Variants in NTNG1 observed in about 807,000 individuals in gnomAD.
NTNG1 encodes netrin-G1.
A neutral mutation model predicts 54.0 loss-of-function variants in NTNG1; 16 were observed. The ratio of observed to expected loss-of-function variants is 0.30; its 90% CI spans 0.20 to 0.45. The LOEUF (loss-of-function observed/expected upper bound fraction) is 0.45. Ranked by LOEUF, NTNG1 falls within the 20% of genes least tolerant of loss-of-function variation. The pLI, the probability that NTNG1 is intolerant of heterozygous loss-of-function variation, is 1.00. For missense variants in NTNG1, 530 were observed against 678.7 expected (o/e 0.78, Z 2.43); for synonymous variants, 255 against 263.1 (o/e 0.97, Z 0.30).
At chr1:107,212,130 G>A (rs887369823) in intron 2 of NTNG1, among the ~76,000 whole-genome samples, 1 of 152,164 alleles carries the variant, frequency 6.6e-6, no homozygotes, top group African/African-American at 2.4e-5. Context: ...ACTAGAAGGT[G>A]TAGGGGAGTT....
At chr1:107,195,612 GAC>G (rs148130366) in intron 2 of NTNG1, among the ~76,000 whole-genome samples, 312 of 150,200 alleles carry the variant, frequency 2.1e-3, no homozygotes, top group African/African-American at 7.0e-3. Flanking sequence ...CACACAGGCA[GAC>G]ACACACACAC....
At chr1:107,161,996 T>C (rs1224131672) in intron 2 of NTNG1, among the ~76,000 whole-genome samples, 1 of 152,118 alleles carries the variant, frequency 6.6e-6, no homozygotes, top group African/African-American at 2.4e-5. Flanking sequence ...TTGTAAATTA[T>C]CCATTTGATC....
chr1:107,300,827 A>G (rs61125135), intron 2 of NTNG1, among the ~76,000 whole-genome samples: 2,438 of 152,356 alleles, frequency 0.016, 63 homozygotes, highest in African/African-American at 0.054. Flanking sequence ...ACTAATTACA[A>G]TTGGATACTT....
At chr1:107,269,200 G>A (rs575578078) in intron 2 of NTNG1, among the ~76,000 whole-genome samples, 1 of 152,098 alleles carries the variant, frequency 6.6e-6, no homozygotes, top group Non-Finnish European at 1.5e-5. Flanking sequence ...CTCTCTTTTG[G>A]CTTCTACTAC....
intron 2 of NTNG1, among the ~76,000 whole-genome samples, chr1:107,168,909 C>T (rs1656010527): frequency 6.6e-6 from 1 of 152,124 alleles, no homozygotes; most frequent in Admixed American, 6.6e-5. Flanking sequence ...CTGAAATTTG[C>T]TGAAGCCATT....
At chr1:107,220,964 T>C (rs1168616058) in intron 2 of NTNG1, among the ~76,000 whole-genome samples, 1 of 152,164 alleles carries the variant, frequency 6.6e-6, no homozygotes, top group South Asian at 2.1e-4. Flanking sequence ...TTTCCACTTA[T>C]TATCAATGGA....
intron 5 of NTNG1, among the ~76,000 whole-genome samples, chr1:107,417,815 T>A (rs1249698349): frequency 6.6e-6 from 1 of 152,088 alleles, no homozygotes; most frequent in African/African-American, 2.4e-5. Flanking sequence ...CATTAAATCC[T>A]AGCCTGGCTC....
chr1:107,261,957 G>A (rs1275376163), intron 2 of NTNG1, among the ~76,000 whole-genome samples: 1 of 152,210 alleles, frequency 6.6e-6, no homozygotes, highest in Non-Finnish European at 1.5e-5. Context: ...TTCTCTGTCC[G>A]GGCAATGTTA....
intron 3 of NTNG1, among the ~76,000 whole-genome samples, chr1:107,390,369 A>C (rs1405923681): frequency 4.6e-5 from 7 of 152,210 alleles, no homozygotes; most frequent in Admixed American, 1.3e-4. Context: ...TAATTACGCT[A>C]TGCAAATGCT....
intron 1 of NTNG1, among the ~76,000 whole-genome samples, chr1:107,147,594 G>T (rs1654221548): frequency 6.6e-6 from 1 of 152,020 alleles, no homozygotes. Context: ...TTTCACTCCA[G>T]CAAAGAAAAG....
intron 2 of NTNG1, among the ~76,000 whole-genome samples, chr1:107,160,826 T>C (rs548765921): frequency 1.3e-5 from 2 of 152,146 alleles, no homozygotes; most frequent in African/African-American, 2.4e-5. Context: ...AATATCTTCC[T>C]ATAGTTTTTT....
chr1:107,305,601 A>C (rs1344855886), intron 2 of NTNG1, among the ~76,000 whole-genome samples: 1 of 151,536 alleles, frequency 6.6e-6, no homozygotes, highest in Non-Finnish European at 1.5e-5. Context: ...TTTTCTTGTA[A>C]ATTTGTTTAA....
chr1:107,256,942 G>A (rs1662974754), intron 2 of NTNG1, among the ~76,000 whole-genome samples: 1 of 151,946 alleles, frequency 6.6e-6, no homozygotes, highest in Non-Finnish European at 1.5e-5. Context: ...AAACTGAGTT[G>A]GCTTCCATTT....
chr1:107,229,405 C>T (rs1474546198), intron 2 of NTNG1, among the ~76,000 whole-genome samples: 1 of 151,166 alleles, frequency 6.6e-6, no homozygotes, highest in African/African-American at 2.4e-5. Context: ...AGATCAAGTG[C>T]AAAAGCTGGA....
At chr1:107,363,752 C>G (rs1211621204) in intron 3 of NTNG1, among the ~76,000 whole-genome samples, 1 of 152,174 alleles carries the variant, frequency 6.6e-6, no homozygotes, top group Non-Finnish European at 1.5e-5. Context: ...CACTTGCTTT[C>G]ATCTTATCTG....
intron 1 of NTNG1, among the ~76,000 whole-genome samples, chr1:107,146,433 T>A (rs945371355): frequency 6.6e-6 from 1 of 152,058 alleles, no homozygotes; most frequent in Non-Finnish European, 1.5e-5. Flanking sequence ...AATTGTTGGA[T>A]GTGTCTGAAA....
At chr1:107,336,085 A>G (rs1379186979) in intron 3 of NTNG1, among the ~76,000 whole-genome samples, 1 of 151,938 alleles carries the variant, frequency 6.6e-6, no homozygotes, top group Admixed American at 6.6e-5. Flanking sequence ...ACTTCATGCT[A>G]AAATTCATAT....
At chr1:107,381,042 G>A (rs1020972866) in intron 3 of NTNG1, among the ~76,000 whole-genome samples, 1 of 151,990 alleles carries the variant, frequency 6.6e-6, no homozygotes, top group African/African-American at 2.4e-5. Flanking sequence ...CTTAACCACA[G>A]GGTCCTCTAT....
chr1:107,274,388 A>C (rs1261407996), intron 2 of NTNG1, among the ~76,000 whole-genome samples: 1 of 152,264 alleles, frequency 6.6e-6, no homozygotes, highest in Non-Finnish European at 1.5e-5. Flanking sequence ...TAAGAGCAGT[A>C]ATAACAACTG....
Sources: allele counts gnomAD v4.1 joint callset (sites outside exome capture counted in the v4.1 genomes callset), GRCh38; gene constraint gnomAD v4.1.1; transcripts MANE v1.5; gene names NCBI Gene and HGNC (gene_info 2026-07-23, HGNC 2026-07-21).